CYYR1: variants seen among roughly 807,000 people sequenced by gnomAD.
CYYR1 encodes cysteine and tyrosine rich 1.
A neutral mutation model predicts 15.2 loss-of-function variants in CYYR1; 14 were observed. That is an observed-to-expected ratio of 0.92 (90% CI 0.61 to 1.44). The LOEUF (loss-of-function observed/expected upper bound fraction) is 1.44, where lower values mean the gene tolerates loss of function less well. Ranked by LOEUF, CYYR1 falls within the 40% of genes most tolerant of loss-of-function variation. The pLI, the probability that CYYR1 is intolerant of heterozygous loss-of-function variation, is 0.00. For synonymous variants in CYYR1, 80 were observed against 77.4 expected (o/e 1.03, Z -0.18); for missense variants, 228 against 209.5 (o/e 1.09, Z -0.54).
rs138504249 is a variant in CYYR1, at chr21:26,475,456, T to C, written c.334+4816A>G. 3.2e-3 allele frequency among the ~76,000 whole-genome samples: 488 copies of C among 152,276 alleles called. 2 individuals carry two copies. The highest frequency in any genetic ancestry group is 0.011 in the African/African-American group (451 of 41,574). On this transcript the variant is annotated intron_variant, in intron 3 of 3. Transcript: ENST00000652641. ...TCAAAGGCTAGCCCCTATACTTGTG[T>C]ACCAAATTCCTTTCTTCCTCAGACT...
intron 2 of CYYR1, among the ~76,000 whole-genome samples, chr21:26,484,865 A>G (rs926095681): frequency 2.6e-5 from 4 of 152,102 alleles, no homozygotes; most frequent in African/African-American, 9.7e-5. Context: ...ATGAGGTTGC[A>G]ACTAATGTAT....
chr21:26,573,114 C>G lies in CYYR1; in HGVS notation c.-174G>C, dbSNP rs1019317489. On this transcript the variant is annotated 5_prime_UTR_variant, in exon 1 of 4. Transcript: ENST00000652641. The stretch of plus-strand genomic sequence containing the variant: ...GAGCCCGGGCCGGGCGCGTCCCGGG[C>G]CAGCGACTGCGGGACTCCGCGGAGC... 6.6e-7 allele frequency: 1 copy of G among 1,511,298 alleles called. No individual in the cohort carries two copies. Among genetic ancestry groups the G allele is most frequent in the African/African-American group, 1.4e-5 (1 of 71,362 alleles). The allele number at this position is 1,511,298 out of a possible 1,614,324, so 93.6% of individuals were successfully genotyped here.
At chr21:26,468,735 T>C in intron 3 of CYYR1, 101 bp from the exon 4 acceptor site, 1 of 881,280 alleles carries the variant, frequency 1.1e-6, no homozygotes, top group Non-Finnish European at 1.7e-6. Context: ...GGACATAAAT[T>C]GTGGCTGCAA....
At chr21:26,506,051 A>AC (rs1275385781) in intron 2 of CYYR1, among the ~76,000 whole-genome samples, 1 of 152,114 alleles carries the variant, frequency 6.6e-6, no homozygotes, top group East Asian at 1.9e-4. Flanking sequence ...GACCACACCA[A>AC]CATATAGCAT....
intron 2 of CYYR1, among the ~76,000 whole-genome samples, chr21:26,553,634 T>C (rs1979554792): frequency 1.3e-5 from 2 of 152,102 alleles, no homozygotes; most frequent in Non-Finnish European, 2.9e-5. Flanking sequence ...TTTGTCTGGT[T>C]CCCCAATCCA....
intron 2 of CYYR1, among the ~76,000 whole-genome samples, chr21:26,558,645 CT>C (rs2123707069): frequency 6.6e-6 from 1 of 152,300 alleles, no homozygotes; most frequent in South Asian, 2.1e-4. Context: ...GTACTCTTCT[CT>C]CCCTCAGATA....
At chr21:26,479,791 C>T (rs956408439) in intron 3 of CYYR1, among the ~76,000 whole-genome samples, 1 of 152,162 alleles carries the variant, frequency 6.6e-6, no homozygotes, top group South Asian at 2.1e-4. Flanking sequence ...GGATTACAGG[C>T]GTGAGCCACT....
intron 2 of CYYR1, among the ~76,000 whole-genome samples, chr21:26,562,233 G>C (rs1260420315): frequency 6.6e-6 from 1 of 152,096 alleles, no homozygotes; most frequent in African/African-American, 2.4e-5. Context: ...TAATTATAAG[G>C]TCACATAGTT....
At chr21:26,526,532 A>G (rs1174976543) in intron 2 of CYYR1, among the ~76,000 whole-genome samples, 3 of 152,236 alleles carry the variant, frequency 2.0e-5, no homozygotes, top group African/African-American at 4.8e-5. Flanking sequence ...CTTGTAAAAT[A>G]GAAGCTATTC....
intron 2 of CYYR1, among the ~76,000 whole-genome samples, chr21:26,509,900 G>A (rs931917931): frequency 6.6e-6 from 1 of 152,168 alleles, no homozygotes; most frequent in Non-Finnish European, 1.5e-5. Flanking sequence ...TGGAAGGAGA[G>A]GAGACTTGGC....
chr21:26,550,190 T>C (rs918831630), intron 2 of CYYR1: 6 of 152,208 alleles, frequency 3.9e-5, no homozygotes, highest in Non-Finnish European at 5.9e-5. Flanking sequence ...TTGATGATGT[T>C]ACTATTGTAA....
intron 2 of CYYR1, among the ~76,000 whole-genome samples, chr21:26,515,281 ACTC>A (rs1167587428): frequency 6.6e-6 from 1 of 151,872 alleles, no homozygotes; most frequent in Non-Finnish European, 1.5e-5. Context: ...TTTCCAGTCA[ACTC>A]CTGTACACCT....
At chr21:26,494,493 A>C (rs219631) in intron 2 of CYYR1, among the ~76,000 whole-genome samples, 2 of 152,008 alleles carry the variant, frequency 1.3e-5, no homozygotes. Context: ...AGTAATTATA[A>C]CTGCATGTAC....
chr21:26,526,454 C>CCCAA (rs1555908940), intron 2 of CYYR1, among the ~76,000 whole-genome samples: 2 of 151,592 alleles, frequency 1.3e-5, no homozygotes, highest in African/African-American at 4.9e-5. Context: ...GCCCCACCCC[C>CCCAA]CAACAACAAC....
chr21:26,565,512 G>A (rs930179730), intron 2 of CYYR1, among the ~76,000 whole-genome samples: 2 of 152,086 alleles, frequency 1.3e-5, no homozygotes, highest in African/African-American at 4.8e-5. Context: ...CTCAACCCTC[G>A]TTTCTCAGTT....
At chr21:26,476,195 AACTT>A (rs1181659111) in intron 3 of CYYR1, among the ~76,000 whole-genome samples, 1 of 152,122 alleles carries the variant, frequency 6.6e-6, no homozygotes, top group Non-Finnish European at 1.5e-5. Flanking sequence ...AATGTTCCCC[AACTT>A]GGGTTTGTCA....
chr21:26,482,728 G>T (rs2065199151), intron 2 of CYYR1, among the ~76,000 whole-genome samples: 1 of 151,966 alleles, frequency 6.6e-6, no homozygotes, highest in African/African-American at 2.4e-5. Flanking sequence ...AAATATGAGG[G>T]CATTGCTTAT....
chr21:26,502,104 C>T lies in CYYR1; in HGVS notation c.177-21675G>A, dbSNP rs551233253. On this transcript the variant is annotated intron_variant, in intron 2 of 3. Transcript: ENST00000652641. ...CATTCTAAATTTTAAAAATAAAGCA[C>T]TGATTTATGCACCCCAAATCTAATG... Among the ~76,000 whole-genome samples, 10 of 152,188 alleles carry T rather than the reference C, an allele frequency of 6.6e-5. 1 individual carries two copies. In the East Asian group the frequency reaches 1.9e-3, roughly 29 times the overall value.
intron 2 of CYYR1, among the ~76,000 whole-genome samples, chr21:26,533,320 G>T (rs1262697285): frequency 6.6e-6 from 1 of 151,348 alleles, no homozygotes; most frequent in East Asian, 1.9e-4. Context: ...TAATTATGAG[G>T]GCTCACAATA....
Sources: allele counts gnomAD v4.1 joint callset (sites outside exome capture counted in the v4.1 genomes callset), GRCh38; gene constraint gnomAD v4.1.1; transcripts MANE v1.5; gene names NCBI Gene and HGNC (gene_info 2026-07-23, HGNC 2026-07-21).